Variants in ZFP1 observed in about 807,000 individuals in gnomAD.
ZFP1 encodes ZFP1 zinc finger protein.
In ZFP1, 32 loss-of-function variants were observed where a neutral mutation model predicts 38.5. The ratio of observed to expected loss-of-function variants is 0.83; its 90% CI spans 0.63 to 1.12. The LOEUF is 1.12. ZFP1 is among the 50% of genes most tolerant of loss of function. The pLI is 0.00. For missense variants in ZFP1, 616 were observed against 480.8 expected, an observed-to-expected ratio of 1.28 and a Z score of -2.63; for synonymous variants, 245 against 168.8, an observed-to-expected ratio of 1.45 and a Z score of -3.50.
chr16:75,170,069 G>C lies in ZFP1; in HGVS notation c.959G>C (p.Gly320Ala), dbSNP rs745419389. 6.2e-7 allele frequency: 1 copy of C among 1,614,034 alleles called. No individual in the cohort carries two copies. The highest frequency in any genetic ancestry group is 8.5e-7 in the Non-Finnish European group (1 of 1,179,996). Residue 320 changes from glycine to alanine, a missense_variant, in exon 4 of 4, where the codon GGG (glycine) becomes GCG (alanine). Coordinates refer to ENST00000570010, the MANE Select transcript of ZFP1 (RefSeq NM_153688.4). ...ATCATACATCAGAAGATTCACACGG[G>C]GGAGAAACGCTATGAGTGCAGTGAA... ...NLIIHQKIHT[G>A]EKRYECSECG...
chr16:75,170,447 C>CA lies in ZFP1; in HGVS notation c.*115dup. 7.3e-7 allele frequency: 1 copy of CA among 1,366,220 alleles called. No homozygotes were observed. Among genetic ancestry groups the CA allele is most frequent in the Non-Finnish European group, 9.6e-7 (1 of 1,044,388 alleles). 84.6% of individuals were successfully genotyped at this position (1,366,220 alleles called of 1,614,324 possible). ...GAATTCATACTGAGATGCAATCTCT[C>CA]AACTCAAAAATGTATTAAAAATAGG... is the stretch of plus-strand genomic sequence containing the variant. On this transcript the variant is annotated 3_prime_UTR_variant, in exon 4 of 4. Coordinates refer to ENST00000570010, the MANE Select transcript of ZFP1 (RefSeq NM_153688.4).
chr16:75,153,610 AC>A (rs1259449612), intron 2 of ZFP1, among the ~76,000 whole-genome samples: 1 of 151,854 alleles, frequency 6.6e-6, no homozygotes, highest in African/African-American at 2.4e-5. Context: ...GTTCCCATAT[AC>A]CCCCTCATTC....
upstream of ZFP1, among the ~76,000 whole-genome samples, chr16:75,147,187 G>A (rs1185937088): frequency 6.6e-6 from 1 of 152,094 alleles, no homozygotes; most frequent in Non-Finnish European, 1.5e-5. Context: ...TATTCTGTAC[G>A]ATACTGTAAT....
chr16:75,170,106 C>T lies in ZFP1; in HGVS notation c.996C>T (p.Ser332=), dbSNP rs760934896. 2 of 1,614,012 alleles carry T rather than the reference C, an allele frequency of 1.2e-6. No homozygotes were observed. The highest frequency in any genetic ancestry group is 1.7e-6 in the Non-Finnish European group (2 of 1,179,954). ...ATGAGTGCAGTGAATGTGGAAAATC[C>T]TTTATCCAGAACTCACAGCTCATCA... ...KRYECSECGK[S]FIQNSQLIIH... is the part of the protein sequence containing the mutation. The change falls in exon 4 of 4, where the codon TCC becomes TCT. Residue 332 remains serine (S), a synonymous_variant. Coordinates refer to ENST00000570010, the MANE Select transcript of ZFP1 (RefSeq NM_153688.4).
At chr16:75,152,174 T>C (rs538623506) in intron 1 of ZFP1, among the ~76,000 whole-genome samples, 1 of 152,202 alleles carries the variant, frequency 6.6e-6, no homozygotes, top group Non-Finnish European at 1.5e-5. Flanking sequence ...GATGTGTCCA[T>C]GTGTGTTTTT....
chr16:75,134,492 C>T, the ZFP1 span, among the ~76,000 whole-genome samples: 2 of 151,994 alleles, frequency 1.3e-5, no homozygotes, highest in Non-Finnish European at 2.9e-5. Flanking sequence ...CGCGGTGGCT[C>T]ACACCTGTAA....
intron 3 of ZFP1, 154 bp downstream of exon 3, chr16:75,167,050 C>A: frequency 1.5e-6 from 2 of 1,377,890 alleles, no homozygotes; most frequent in Non-Finnish European, 1.9e-6. Flanking sequence ...AAAGCTCTAT[C>A]ATCTCCTTTC....
At chr16:75,150,815 AG>A (rs2037160824) in intron 1 of ZFP1, among the ~76,000 whole-genome samples, 1 of 152,134 alleles carries the variant, frequency 6.6e-6, no homozygotes, top group Admixed American at 6.5e-5. Context: ...TGTTGATCGT[AG>A]AATCTTCCTT....
the ZFP1 span, among the ~76,000 whole-genome samples, chr16:75,122,201 C>T: frequency 6.6e-6 from 1 of 152,210 alleles, no homozygotes; most frequent in Non-Finnish European, 1.5e-5. Flanking sequence ...TCTTATTCCT[C>T]ATGCAGGTAG....
intron 3 of ZFP1, 51 bp downstream of exon 3, chr16:75,166,947 T>G (rs1325382669): frequency 1.3e-6 from 2 of 1,575,730 alleles, no homozygotes; most frequent in Non-Finnish European, 1.7e-6. Context: ...GGTATTTATG[T>G]CCTGTCTCAG....
At chr16:75,163,434 C>T (rs552275290) in intron 2 of ZFP1, among the ~76,000 whole-genome samples, 40 of 151,938 alleles carry the variant, frequency 2.6e-4, no homozygotes, top group African/African-American at 9.7e-4. Context: ...GCCTCAGCCT[C>T]CTGAGTAGCT....
intron 2 of ZFP1, among the ~76,000 whole-genome samples, chr16:75,157,694 T>C (rs1464593662): frequency 6.6e-6 from 1 of 152,166 alleles, no homozygotes. Flanking sequence ...GATTCTGTCT[T>C]CCTGATGGAC....
At chr16:75,132,021 T>C in the ZFP1 span, among the ~76,000 whole-genome samples, 1 of 152,138 alleles carries the variant, frequency 6.6e-6, no homozygotes, top group Non-Finnish European at 1.5e-5. Flanking sequence ...AAATCAAGTT[T>C]GGTTGATGCG....
the ZFP1 span, among the ~76,000 whole-genome samples, chr16:75,134,557 C>T: frequency 4.1e-5 from 6 of 147,208 alleles, no homozygotes; most frequent in Middle Eastern, 3.8e-3. Flanking sequence ...GAGATCGAGA[C>T]CTGGCTAACA....
At chr16:75,148,872 A>C (rs2037021566) in intron 1 of ZFP1, 1 of 152,200 alleles carries the variant, frequency 6.6e-6, no homozygotes, top group Non-Finnish European at 1.5e-5. Context: ...AAGGGCGGCT[A>C]TGAGGCTTCG....
At chr16:75,152,635 T>G (rs1450091776) in intron 1 of ZFP1, among the ~76,000 whole-genome samples, 2 of 152,238 alleles carry the variant, frequency 1.3e-5, no homozygotes, top group Non-Finnish European at 2.9e-5. Context: ...ATGCCCTGTC[T>G]GATAATTTCA....
chr16:75,165,730 T>A (rs987053141), intron 2 of ZFP1, among the ~76,000 whole-genome samples: 1 of 152,012 alleles, frequency 6.6e-6, no homozygotes, highest in Non-Finnish European at 1.5e-5. Context: ...TTTTTTTTTT[T>A]AATGTACTTA....
chr16:75,127,133 T>A, the ZFP1 span, among the ~76,000 whole-genome samples: 165 of 152,374 alleles, frequency 1.1e-3, no homozygotes, highest in Non-Finnish European at 2.2e-4. Context: ...CTAAAACTTT[T>A]TGTCATTCAC....
the ZFP1 span, among the ~76,000 whole-genome samples, chr16:75,133,555 G>T: frequency 6.6e-6 from 1 of 152,100 alleles, no homozygotes; most frequent in Non-Finnish European, 1.5e-5. Context: ...AAGGATGATG[G>T]CCTCCATCTC....
Sources: gnomAD v4.1 joint callset for allele counts (sites outside exome capture counted in the v4.1 genomes callset) on GRCh38, gnomAD v4.1.1 for gene constraint, MANE v1.5 for transcripts, NCBI Gene and HGNC (gene_info 2026-07-23, HGNC 2026-07-21) for gene names.